The following FRMPD3 variants were observed in gnomAD, a reference collection of about 807,000 sequenced individuals.
FRMPD3 encodes the protein FERM and PDZ domain containing 3, also known as FERM and PDZ domain-containing protein 3.
Under a neutral mutation model 97.9 loss-of-function variants are expected in FRMPD3, and 42 were observed. The observed-to-expected ratio is 0.43, with a 90% CI of 0.34 to 0.55. The LOEUF is 0.55. FRMPD3 is among the 20% of genes least tolerant of loss of function. The pLI, the probability that FRMPD3 is intolerant of heterozygous loss-of-function variation, is 0.03. For synonymous variants in FRMPD3, 577 were observed against 581.1 expected, an observed-to-expected ratio of 0.99 and a Z score of 0.10; for missense variants, 1,303 against 1,457.7, an observed-to-expected ratio of 0.89 and a Z score of 1.73.
intron 13 of FRMPD3, among the ~76,000 whole-genome samples, chrX:107,578,293 A>T (rs1036597560): frequency 6.3e-5 from 7 of 111,729 alleles, no homozygotes; most frequent in African/African-American, 1.6e-4. Flanking sequence ...GTTTTTTGTC[A>T]TCCCATCAGC....
intron 1 of FRMPD3, among the ~76,000 whole-genome samples, chrX:107,480,956 G>C (rs897830898): frequency 2.9e-5 from 3 of 104,436 alleles, no homozygotes; most frequent in Non-Finnish European, 4.0e-5. Flanking sequence ...AAGAAAGAAA[G>C]AAAGAAACAG....
intron 13 of FRMPD3, among the ~76,000 whole-genome samples, chrX:107,581,692 A>G (rs893124440): frequency 9.0e-6 from 1 of 111,305 alleles, no homozygotes; most frequent in African/African-American, 3.3e-5. Context: ...CTAAGCAACC[A>G]TTGGTCTACT....
Position 107,602,316 on chromosome X carries a change from A to G in FRMPD3, c.4277A>G (p.Lys1426Arg). Residue 1426 changes from lysine (K) to arginine (R), a missense_variant, in exon 15 of 15, where the codon AAG becomes AGG. Lys to Arg is a conservative substitution (Grantham distance 26). Around this residue, in one of 3 missense-constraint regions of FRMPD3, gnomAD observed 764 missense variants for 820.2 expected, o/e 0.93. Transcript: ENST00000683843. ...PPLGMLPREA[K>R]EVEASLPIAL... ...CTGGGCATGCTGCCCAGGGAGGCCA[A>G]GGAGGTAGAGGCAAGCCTCCCCATA... is the stretch of plus-strand genomic sequence containing the variant. 2.5e-6 allele frequency: 3 copies of G among 1,210,168 alleles called. No homozygotes were observed. Among genetic ancestry groups the G allele is most frequent in the Non-Finnish European group, 3.4e-6 (3 of 895,010 alleles).
At chrX:107,526,505 C>T in intron 1 of FRMPD3, 77 bp from the exon 2 acceptor site, 1 of 975,436 alleles carries the variant, frequency 1.0e-6, no homozygotes, top group Admixed American at 2.7e-5. Flanking sequence ...AGAACCCTAA[C>T]TGGCATCTCT....
chrX:107,545,705 G>A (rs1354411512), intron 4 of FRMPD3, 32 bp from the exon 5 acceptor site: 5 of 1,121,134 alleles, frequency 4.5e-6, no homozygotes, highest in Non-Finnish European at 6.1e-6. Context: ...CCTAGATATG[G>A]AGAACTCACC....
intron 1 of FRMPD3, among the ~76,000 whole-genome samples, chrX:107,521,029 T>C (rs1214631457): frequency 3.6e-5 from 4 of 111,983 alleles, no homozygotes; most frequent in Non-Finnish European, 5.6e-5. Context: ...AGGCTGTCCT[T>C]TTGCTGACCA....
chrX:107,464,735 C>G (rs981673284), intron 1 of FRMPD3, among the ~76,000 whole-genome samples: 3 of 111,702 alleles, frequency 2.7e-5, no homozygotes, highest in Middle Eastern at 4.2e-3. Flanking sequence ...TCTTAGGTAG[C>G]TGACGCTTCC....
intron 1 of FRMPD3, among the ~76,000 whole-genome samples, chrX:107,466,989 G>GGTGTGTGTGT (rs773231357): frequency 6.9e-4 from 68 of 98,165 alleles, no homozygotes; most frequent in African/African-American, 2.7e-3. Context: ...ACAGGTTGGA[G>GGTGTGTGTGT]GTGTGTGTGT....
In FRMPD3 at chrX:107,526,689, T is replaced by TA; in HGVS notation, c.101_102insA (p.Phe34LeufsTer6). On this transcript the variant is annotated frameshift_variant, in exon 2 of 15. Transcript: ENST00000683843. LOFTEE classifies it high-confidence loss of function. ...CGAGACCCTATATATGGCTTTGGCT[T>TA]CGTGGCTGGCAGTGAGAGGCCTGTG... 8.3e-7 allele frequency: 1 copy of TA among 1,206,117 alleles called. No homozygotes were observed. The highest frequency in any genetic ancestry group is 1.1e-6 in the Non-Finnish European group (1 of 893,372).
In FRMPD3 at chrX:107,598,131, C is replaced by A; in HGVS notation, c.2252C>A (p.Pro751Gln). 1 of 1,202,828 alleles carries A rather than the reference C, an allele frequency of 8.3e-7. No homozygotes were observed. The highest frequency in any genetic ancestry group is 1.1e-6 in the Non-Finnish European group (1 of 889,397). The change falls in exon 14 of 15, where the codon CCA becomes CAA. Residue 751 changes from proline (P) to glutamine (Q), a missense_variant. By Grantham distance (76) the Pro-to-Gln change is moderately conservative. Around this residue, in one of 3 missense-constraint regions of FRMPD3, gnomAD observed 535 missense variants for 618.6 expected, o/e 0.86. Coordinates refer to ENST00000683843, the MANE Select transcript of FRMPD3 (RefSeq NM_001388459.1). ...GAGGATGGACCACACCCACCACCCC[C>A]ACAGACTGCAGGTAATGACCGATTC... ...ASEDGPHPPP[P>Q]QTAGLIVLAT...
At chrX:107,564,052 C>T (rs977447850) in intron 11 of FRMPD3, among the ~76,000 whole-genome samples, 1 of 112,306 alleles carries the variant, frequency 8.9e-6, no homozygotes, top group African/African-American at 3.2e-5. Flanking sequence ...TGCCTATAGA[C>T]AGGCACAAGA....
At chrX:107,459,030 G>C (rs1191019438) in intron 1 of FRMPD3, among the ~76,000 whole-genome samples, 1 of 112,318 alleles carries the variant, frequency 8.9e-6, no homozygotes, top group African/African-American at 3.2e-5. Context: ...TAAGGTGGCA[G>C]AGTTTCTGGA....
chrX:107,467,457 T>C (rs1301954861), intron 1 of FRMPD3, among the ~76,000 whole-genome samples: 11 of 111,070 alleles, frequency 9.9e-5, no homozygotes, highest in Admixed American at 4.8e-4. Flanking sequence ...TTGCTACTTA[T>C]AGGGGACTTC....
chrX:107,592,863 C>T (rs982605264), intron 13 of FRMPD3, among the ~76,000 whole-genome samples: 1 of 103,345 alleles, frequency 9.7e-6, no homozygotes, highest in Non-Finnish European at 2.0e-5. Flanking sequence ...GGCACAACCT[C>T]CACCTTCCGT....
intron 11 of FRMPD3, among the ~76,000 whole-genome samples, chrX:107,564,575 A>G (rs769089825): frequency 8.9e-6 from 1 of 112,169 alleles, no homozygotes; most frequent in Admixed American, 9.4e-5. Flanking sequence ...GGTGCTCCAA[A>G]GGCCCCCAAA....
chrX:107,488,327 C>A (rs1921560900), intron 1 of FRMPD3, among the ~76,000 whole-genome samples: 1 of 112,341 alleles, frequency 8.9e-6, no homozygotes, highest in African/African-American at 3.2e-5. Context: ...AGAACCATCA[C>A]AGCCGCATGC....
intron 13 of FRMPD3, among the ~76,000 whole-genome samples, chrX:107,581,359 C>T (rs761593155): frequency 9.1e-6 from 1 of 110,460 alleles, no homozygotes; most frequent in South Asian, 3.9e-4. Context: ...GATCCGCCCA[C>T]CTCGGCCTCC....
chrX:107,567,780 C>A (rs764478033), intron 12 of FRMPD3, among the ~76,000 whole-genome samples: 2 of 110,730 alleles, frequency 1.8e-5, no homozygotes, highest in East Asian at 5.7e-4. Flanking sequence ...GAGGGGTGAT[C>A]AAATAAAAGT....
intron 1 of FRMPD3, among the ~76,000 whole-genome samples, chrX:107,483,119 G>T (rs762572812): frequency 2.7e-5 from 3 of 111,608 alleles, no homozygotes; most frequent in Non-Finnish European, 5.6e-5. Flanking sequence ...GTTATTTGCT[G>T]CAGATAGGGC....
Sources: gnomAD v4.1 joint callset for allele counts (sites outside exome capture counted in the v4.1 genomes callset) on GRCh38, gnomAD v4.1.1 for gene constraint, gnomAD v4.1.1 regional missense constraint, MANE v1.5 for transcripts, NCBI Gene and HGNC (gene_info 2026-07-23, HGNC 2026-07-21) for gene names.